The following ZNF577 variants were observed in gnomAD, a reference collection of about 807,000 sequenced individuals.
ZNF577 encodes the protein zinc finger protein 577.
In ZNF577, 14 loss-of-function variants were observed where a neutral mutation model predicts 13.9. The ratio of observed to expected loss-of-function variants is 1.00; its 90% CI spans 0.66 to 1.57. ZNF577 has a LOEUF of 1.57. Among genes scored for constraint, ZNF577 ranks in the 40% most tolerant of loss-of-function variants. The pLI is 0.00. For missense variants in ZNF577, 555 were observed against 579.2 expected, an observed-to-expected ratio of 0.96 and a Z score of 0.43; for synonymous variants, 203 against 202.9, an observed-to-expected ratio of 1.00 and a Z score of 0.00.
chr19:51,828,484 G>A (rs1250569753), intron 9 of ZNF577, among the ~76,000 whole-genome samples: 1 of 152,184 alleles, frequency 6.6e-6, no homozygotes, highest in Non-Finnish European at 1.5e-5. Context: ...TCCACTGCCA[G>A]GACAGGGGAT....
intron 10 of ZNF577, among the ~76,000 whole-genome samples, chr19:51,807,786 A>G (rs531363948): frequency 5.3e-5 from 8 of 152,370 alleles, no homozygotes; most frequent in Non-Finnish European, 7.3e-5. Flanking sequence ...GGCAGTCGAC[A>G]TTTCCCAAGC....
At chr19:51,819,317 A>G (rs1358189911) in intron 9 of ZNF577, among the ~76,000 whole-genome samples, 1 of 152,208 alleles carries the variant, frequency 6.6e-6, no homozygotes, top group Non-Finnish European at 1.5e-5. Context: ...CTAATAATTC[A>G]GATGAGAGGA....
chr19:51,869,341 A>G lies in ZNF577; in HGVS notation c.*3191T>C, dbSNP rs2084617016. Among the ~76,000 whole-genome samples, 2 of 152,174 alleles carry G rather than the reference A, an allele frequency of 1.3e-5. No individual in the cohort carries two copies. Among genetic ancestry groups the G allele is most frequent in the African/African-American group, 4.8e-5 (2 of 41,438 alleles). The stretch of plus-strand genomic sequence containing the variant: ...ATACTGTTCTTTACTGCACTGAGAT[A>G]TTTGTGTAAAGTCAAACATAAATCT... On this transcript the variant is annotated 3_prime_UTR_variant, in exon 6 of 6. Transcript: ENST00000638348.
intron 5 of ZNF577, among the ~76,000 whole-genome samples, chr19:51,859,858 T>G (rs2084478127): frequency 6.6e-6 from 1 of 152,130 alleles, no homozygotes; most frequent in Non-Finnish European, 1.5e-5. Context: ...TTCGTGTAAT[T>G]CCAAGTAAAC....
At chr19:51,827,405 T>C (rs2084237809) in intron 9 of ZNF577, among the ~76,000 whole-genome samples, 1 of 152,214 alleles carries the variant, frequency 6.6e-6, no homozygotes, top group Admixed American at 6.5e-5. Flanking sequence ...TATGTTTCTT[T>C]CAAGTAATGA....
At chr19:51,846,877 G>A (rs2084355805) in intron 5 of ZNF577, among the ~76,000 whole-genome samples, 1 of 152,164 alleles carries the variant, frequency 6.6e-6, no homozygotes, top group South Asian at 2.1e-4. Flanking sequence ...TCTTGTTTAA[G>A]CCACTCAGTC....
rs534585773 is a variant in ZNF577, at chr19:51,871,460, G to C, written c.*1072C>G. On this transcript the variant is annotated 3_prime_UTR_variant, in exon 6 of 6. Coordinates refer to ENST00000638348, the MANE Select transcript of ZNF577 (RefSeq NM_001370449.1). ...AATTTCAGAATAGATACAAATTTAC[G>C]TTTAGCAACATTTCAAGCACCATAA... 2.0e-5 allele frequency: 3 copies of C among 152,034 alleles called. No homozygotes were observed. Among genetic ancestry groups the C allele is most frequent in the African/African-American group, 7.2e-5 (3 of 41,468 alleles). The allele number at this position is 152,034 out of a possible 1,614,324, so 9.4% of individuals were successfully genotyped here. A position where few individuals can be genotyped will look rare whatever the true frequency, so the allele number is the denominator to read the frequency against.
intron 5 of ZNF577, among the ~76,000 whole-genome samples, chr19:51,874,781 A>C (rs1339352743): frequency 6.6e-6 from 1 of 152,230 alleles, no homozygotes; most frequent in Non-Finnish European, 1.5e-5. Flanking sequence ...GGCAGAATTC[A>C]GATGGCTTGA....
intron 5 of ZNF577, among the ~76,000 whole-genome samples, chr19:51,848,072 C>G (rs779063709): frequency 4.6e-5 from 7 of 152,312 alleles, no homozygotes; most frequent in South Asian, 2.1e-4. Flanking sequence ...TTCTAGGCGA[C>G]CGGATTCCGC....
chr19:51,877,173 C>G (rs1442092085), intron 5 of ZNF577, 109 bp downstream of exon 5: 35 of 860,964 alleles, frequency 4.1e-5, no homozygotes, highest in Non-Finnish European at 5.9e-5. Flanking sequence ...TCTGGGCCAC[C>G]AACTACTGTG....
At chr19:51,880,047 A>C (rs2084836383) in intron 3 of ZNF577, among the ~76,000 whole-genome samples, 1 of 152,224 alleles carries the variant, frequency 6.6e-6, no homozygotes, top group African/African-American at 2.4e-5. Context: ...AAGGTCAAGC[A>C]GCCCATTCAT....
At chr19:51,808,909 G>A (rs2084078728) in intron 10 of ZNF577, among the ~76,000 whole-genome samples, 1 of 152,142 alleles carries the variant, frequency 6.6e-6, no homozygotes, top group Non-Finnish European at 1.5e-5. Context: ...CTGAGATAGG[G>A]GCCATTGATC....
At chr19:51,844,386 T>C (rs977919602) in intron 6 of ZNF577, among the ~76,000 whole-genome samples, 2 of 152,186 alleles carry the variant, frequency 1.3e-5, no homozygotes, top group Non-Finnish European at 2.9e-5. Context: ...GAGACATTTC[T>C]TCACACTGGA....
At chr19:51,857,404 A>G (rs1416560815) in intron 5 of ZNF577, among the ~76,000 whole-genome samples, 1 of 124,738 alleles carries the variant, frequency 8.0e-6, no homozygotes, top group East Asian at 2.1e-4. Context: ...GAAAGAAAGA[A>G]AGAAAGAAAG....
At position 51,871,572 on chromosome 19, in the gene ZNF577, A is replaced by G. The variant is rs1009212568; in HGVS notation, c.*960T>C. 1.3e-5 allele frequency: 2 copies of G among 152,364 alleles called. No homozygotes were observed. Among genetic ancestry groups the G allele is most frequent in the African/African-American group, 4.8e-5 (2 of 41,580 alleles). 9.4% of individuals were successfully genotyped at this position (152,364 alleles called of 1,614,324 possible). ...TCAAGAGCATCTATAATGCTCACAT[A>G]TAACAATCATAGCATAAGATTCTCT... On this transcript the variant is annotated 3_prime_UTR_variant, in exon 6 of 6. Coordinates refer to ENST00000638348, the MANE Select transcript of ZNF577 (RefSeq NM_001370449.1).
rs1324475452 is a variant in ZNF577 at position 51,867,550 on chromosome 19, G to A, written c.*4982C>T. On this transcript the variant is annotated 3_prime_UTR_variant, in exon 6 of 6. Coordinates refer to ENST00000638348, the MANE Select transcript of ZNF577 (RefSeq NM_001370449.1). ...AGCACTTTGGGAGGCTGAGGTGGGC[G>A]GATCACAAGGTCAGGAGTTCGAGAC... 1.3e-5 allele frequency among the ~76,000 whole-genome samples: 2 copies of A among 151,378 alleles called. No homozygotes were observed. The highest frequency in any genetic ancestry group is 3.9e-4 in the East Asian group (2 of 5,130).
intron 10 of ZNF577, among the ~76,000 whole-genome samples, chr19:51,809,958 T>A (rs184761261): frequency 1.3e-5 from 2 of 152,184 alleles, no homozygotes; most frequent in African/African-American, 4.8e-5. Context: ...GCCATTCTGA[T>A]GAAATTTTGA....
At chr19:51,874,795 GGAATAATTACAATGGA>G (rs1170268515) in intron 5 of ZNF577, among the ~76,000 whole-genome samples, 2 of 152,132 alleles carry the variant, frequency 1.3e-5, no homozygotes, top group African/African-American at 4.8e-5. Flanking sequence ...GGCTTGATCA[GGAATAATTACAATGGA>G]GATGGAGAAA....
intron 1 of ZNF577, among the ~76,000 whole-genome samples, chr19:51,884,726 T>C (rs1469613695): frequency 3.3e-5 from 5 of 152,236 alleles, no homozygotes; most frequent in Admixed American, 3.3e-4. Flanking sequence ...CATTCAAGGT[T>C]ATAAATTTCC....
Sources: gnomAD v4.1 joint callset for allele counts (sites outside exome capture counted in the v4.1 genomes callset) on GRCh38, gnomAD v4.1.1 for gene constraint, MANE v1.5 for transcripts, NCBI Gene and HGNC (gene_info 2026-07-23, HGNC 2026-07-21) for gene names.